Variants in SH3TC1 observed in about 807,000 individuals in gnomAD.
SH3TC1 encodes SH3 domain and tetratricopeptide repeats 1.
SH3TC1 carries 135 observed loss-of-function variants against 117.3 expected under a neutral mutation model. The observed-to-expected ratio is 1.15, with a 90% CI of 1.00 to 1.33. SH3TC1 has a LOEUF of 1.33. SH3TC1 is among the 40% of genes most tolerant of loss of function. The pLI, the probability that SH3TC1 is intolerant of heterozygous loss-of-function variation, is 0.00. For missense variants in SH3TC1, 2,092 were observed against 1,794.3 expected, an observed-to-expected ratio of 1.17 and a Z score of -3.00; for synonymous variants, 898 against 816.9, an observed-to-expected ratio of 1.10 and a Z score of -1.69.
intron 15 of SH3TC1, 151 bp downstream of exon 15, chr4:8,235,706 T>A (rs185733719): frequency 1.8e-6 from 2 of 1,129,630 alleles, no homozygotes; most frequent in Non-Finnish European, 2.4e-6. Flanking sequence ...GGGAATGATA[T>A]TGACTGTGCC....
rs779525059 is a variant in SH3TC1, at chr4:8,228,248, C to T, written c.2554C>T (p.Arg852Trp). 2.6e-5 allele frequency: 42 copies of T among 1,611,146 alleles called. 1 individual carries two copies. The highest frequency in any genetic ancestry group is 1.6e-4 in the Middle Eastern group (1 of 6,076). The change falls in exon 12 of 18, where the codon CGG (arginine) becomes TGG (tryptophan). Residue 852 changes from arginine (R) to tryptophan (W), a missense_variant. Transcript: ENST00000245105. ...PVALDILQSVRDAVVASEDQE... is the reference protein window; with the variant it reads ...PVALDILQSVWDAVVASEDQE... ...GGCCCTGGACATCCTGCAGTCTGTCCGGGATGCAGTGGTGGCCAGCGAGGA... is the reference window on the plus strand; with the variant it reads ...GGCCCTGGACATCCTGCAGTCTGTCTGGGATGCAGTGGTGGCCAGCGAGGA...
rs1157193520 is a variant in SH3TC1 at position 8,210,507 on chromosome 4, C to T, written c.247+685C>T. Among the ~76,000 whole-genome samples the T allele has an allele frequency of 6.6e-6, 1 of 152,198 alleles. No individual in the cohort carries two copies. The highest frequency in any genetic ancestry group is 1.9e-4 in the East Asian group (1 of 5,194). ...AAAATGCAGGCTGGGCGCGGTGGCTCACGCCTGTAATCCCAGCACTTTGGG... is the reference window on the plus strand; with the variant it reads ...AAAATGCAGGCTGGGCGCGGTGGCTTACGCCTGTAATCCCAGCACTTTGGG... On this transcript the variant is annotated intron_variant, in intron 3 of 17. Coordinates refer to ENST00000245105, the MANE Select transcript of SH3TC1 (RefSeq NM_018986.5). This position sits in a 1 kb window ranked among gnomAD's most constrained non-coding sequence, Gnocchi z 4.1.
intron 8 of SH3TC1, among the ~76,000 whole-genome samples, 171 bp downstream of exon 8, chr4:8,218,518 C>T (rs932005384): frequency 1.3e-5 from 2 of 152,212 alleles, no homozygotes; most frequent in Non-Finnish European, 2.9e-5. Context: ...ACCGCAATTA[C>T]TTTTGTACCA....
intron 17 of SH3TC1, among the ~76,000 whole-genome samples, chr4:8,238,529 T>A (rs565509037): frequency 9.2e-5 from 14 of 152,250 alleles, no homozygotes; most frequent in African/African-American, 3.1e-4. Flanking sequence ...CTTGGGGGCC[T>A]TAGAACAACA....
intron 12 of SH3TC1, among the ~76,000 whole-genome samples, 196 bp downstream of exon 12, chr4:8,228,840 G>A (rs1720849662): frequency 6.6e-6 from 1 of 152,238 alleles, no homozygotes; most frequent in South Asian, 2.1e-4. Context: ...CCTACTGGGG[G>A]AGCCAGCTCC....
Position 8,227,346 on chromosome 4 carries a change from A to G in SH3TC1, c.1652A>G (p.Lys551Arg), listed in dbSNP as rs1318530014. The change falls in exon 12 of 18, where the codon AAG becomes AGG. Residue 551 changes from lysine to arginine, a missense_variant. Lys to Arg is a conservative substitution (Grantham distance 26). Transcript: ENST00000245105. Reference protein sequence around the residue: ...GRLAQARGAAKKAGLLMALAR... With the variant: ...GRLAQARGAARKAGLLMALAR... ...CTGGCACAGGCCCGGGGGGCGGCCA[A>G]GAAAGCTGGCCTCCTCATGGCCCTG... 6.2e-7 allele frequency: 1 copy of G among 1,601,378 alleles called. No homozygotes were observed. Among genetic ancestry groups the G allele is most frequent in the African/African-American group, 1.3e-5 (1 of 74,560 alleles).
At position 8,240,705 on chromosome 4, in the gene SH3TC1, T is replaced by G; in HGVS notation, c.3761T>G (p.Phe1254Cys). The change falls in exon 18 of 18, where the codon TTT becomes TGT. Residue 1254 changes from phenylalanine to cysteine, a missense_variant. By Grantham distance (205) the Phe-to-Cys change is radical. Coordinates refer to ENST00000245105, the MANE Select transcript of SH3TC1 (RefSeq NM_018986.5). ...ATGGCCTGTCCCCTTCAGGACCCGT[T>G]TGATGCAGCCGGGTACTACCAGCTG... ...DIIFYDLKDP[F>C]DAAGYYQLAL... is the part of the protein sequence containing the mutation. 1 of 1,614,018 alleles carries G rather than the reference T, an allele frequency of 6.2e-7. No homozygotes were observed. Among genetic ancestry groups the G allele is most frequent in the Non-Finnish European group, 8.5e-7 (1 of 1,180,028 alleles).
In SH3TC1 at chr4:8,219,545, C is replaced by T. The variant is rs775349319; in HGVS notation, c.1112+15C>T. ...CCCGTGTCCGAGTGAGTGGCTGGAGCCCCGCCCCTTTCCTGAACCCACCCC... is the reference window on the plus strand; with the variant it reads ...CCCGTGTCCGAGTGAGTGGCTGGAGTCCCGCCCCTTTCCTGAACCCACCCC... On this transcript the variant is annotated intron_variant, in intron 9 of 17. Transcript: ENST00000245105. 2.6e-6 allele frequency: 4 copies of T among 1,513,816 alleles called. No individual in the cohort carries two copies. Among genetic ancestry groups the T allele is most frequent in the South Asian group, 1.3e-5 (1 of 79,310 alleles). 93.8% of individuals were successfully genotyped at this position (1,513,816 alleles called of 1,614,324 possible).
chr4:8,211,688 G>A (rs2152983340), intron 3 of SH3TC1, among the ~76,000 whole-genome samples: 1 of 151,744 alleles, frequency 6.6e-6, no homozygotes, highest in South Asian at 2.1e-4. Context: ...CACTGGGAAG[G>A]GATAGTGCAT....
intron 1 of SH3TC1, among the ~76,000 whole-genome samples, chr4:8,191,238 G>A (rs894212830): frequency 7.2e-5 from 11 of 152,230 alleles, no homozygotes; most frequent in African/African-American, 1.2e-4. Context: ...CTGCTGGGCC[G>A]CAGAGTCAGC....
chr4:8,233,561 A>G (rs764426265), intron 14 of SH3TC1, 48 bp downstream of exon 14: 36 of 1,531,782 alleles, frequency 2.4e-5, no homozygotes, highest in Admixed American at 8.0e-5. Flanking sequence ...TTCACTCTCC[A>G]TCCATCCATC....
rs1228728498 is a variant in SH3TC1, at chr4:8,232,754, G to A, written c.3131+598G>A. On this transcript the variant is annotated intron_variant, in intron 13 of 17. Coordinates refer to ENST00000245105, the MANE Select transcript of SH3TC1 (RefSeq NM_018986.5). ...CACACCCCTTCGACTCACCAAGAGA[G>A]CAGGGAAGGAGCCGGATTCCACAGG... The A allele has an allele frequency of 7.8e-6, 10 of 1,289,600 alleles. No individual in the cohort carries two copies. The African/African-American group carries it at 1.2e-4, about 16-fold the overall frequency. The allele number at this position is 1,289,600 out of a possible 1,614,324, so 79.9% of individuals were successfully genotyped here. A position where few individuals can be genotyped will look rare whatever the true frequency, so the allele number is the denominator to read the frequency against.
rs1418781596 is a variant in SH3TC1 at position 8,216,025 on chromosome 4, G to C, written c.482-86G>C. On this transcript the variant is annotated intron_variant, in intron 5 of 17. Transcript: ENST00000245105. ...TCTCCCTGGACCTGGTCAGTGCAGG[G>C]CTCAGCCGACCTGGGACCACACAGG... is the stretch of plus-strand genomic sequence containing the variant. 3 of 1,519,296 alleles carry C rather than the reference G, an allele frequency of 2.0e-6. No homozygotes were observed. The African/African-American group carries it at 4.1e-5, about 21-fold the overall frequency. 94.1% of individuals were successfully genotyped at this position (1,519,296 alleles called of 1,614,324 possible).
chr4:8,203,150 C>T (rs1348062572), intron 1 of SH3TC1, among the ~76,000 whole-genome samples: 1 of 152,178 alleles, frequency 6.6e-6, no homozygotes, highest in Non-Finnish European at 1.5e-5. Context: ...AGGGACCTGT[C>T]GCCACAGTGG....
At chr4:8,189,262 C>T (rs909231320) in intron 1 of SH3TC1, among the ~76,000 whole-genome samples, 4 of 152,266 alleles carry the variant, frequency 2.6e-5, no homozygotes, top group Non-Finnish European at 5.9e-5. Context: ...GAGCAAGGCC[C>T]GCCAGTCTCC....
intron 17 of SH3TC1, among the ~76,000 whole-genome samples, chr4:8,238,950 C>T (rs1269036193): frequency 6.6e-6 from 1 of 152,194 alleles, no homozygotes; most frequent in Non-Finnish European, 1.5e-5. Flanking sequence ...TCGGAATTCC[C>T]CCAGGGCTGC....
At chr4:8,229,952 G>A (rs1480482361) in intron 12 of SH3TC1, among the ~76,000 whole-genome samples, 2 of 150,042 alleles carry the variant, frequency 1.3e-5, no homozygotes, top group African/African-American at 2.5e-5. Context: ...GGAGACCGGG[G>A]GCCAGGGGAC....
chr4:8,216,838 C>T, intron 6 of SH3TC1, 119 bp from the exon 7 acceptor site: 1 of 1,029,850 alleles, frequency 9.7e-7, no homozygotes, highest in South Asian at 1.4e-5. Context: ...CCTGCAGACA[C>T]TGGGGGGGCC....
chr4:8,235,923 G>C (rs990195804), intron 15 of SH3TC1: 4 of 360,314 alleles, frequency 1.1e-5, no homozygotes, highest in African/African-American at 8.4e-5. Context: ...CATGCACCCC[G>C]AAGCGGGGAC....
Sources: gnomAD v4.1 joint callset for allele counts (sites outside exome capture counted in the v4.1 genomes callset) on GRCh38, gnomAD v4.1.1 for gene constraint, Gnocchi (gnomAD v3.1) non-coding constraint, MANE v1.5 for transcripts, NCBI Gene and HGNC (gene_info 2026-07-23, HGNC 2026-07-21) for gene names.